RIC1: variants seen among roughly 807,000 people sequenced by gnomAD.
RIC1 encodes RIC1 partner of RAB6A GEF complex.
In RIC1, 88 loss-of-function variants were observed where a neutral mutation model predicts 169.0. The observed-to-expected ratio is 0.52, with a 90% CI of 0.44 to 0.62. The LOEUF is 0.62. Ranked by LOEUF, RIC1 falls within the 20% of genes least tolerant of loss-of-function variation. The pLI is 0.00. For synonymous variants in RIC1, 790 were observed against 601.5 expected, an observed-to-expected ratio of 1.31 and a Z score of -4.59; for missense variants, 1,877 against 1,725.5, an observed-to-expected ratio of 1.09 and a Z score of -1.56.
At chr9:5,727,898 C>G (rs775083876) in intron 6 of RIC1, among the ~76,000 whole-genome samples, 15 of 152,208 alleles carry the variant, frequency 9.9e-5, no homozygotes, top group Non-Finnish European at 1.9e-4. Flanking sequence ...GATCCTTCTT[C>G]TGGAAGGTTC....
chr9:5,736,951 C>T (rs992961221), intron 7 of RIC1, among the ~76,000 whole-genome samples: 6 of 150,270 alleles, frequency 4.0e-5, no homozygotes, highest in Non-Finnish European at 8.9e-5. Context: ...ATCAAAGCTG[C>T]TGTGAAGAAA....
chr9:5,709,225 C>T (rs1242619549), intron 3 of RIC1, among the ~76,000 whole-genome samples: 3 of 152,154 alleles, frequency 2.0e-5, no homozygotes, highest in African/African-American at 4.8e-5. Context: ...CAGGAAACTG[C>T]AGTTCTGCCG....
chr9:5,720,514 T>C, intron 5 of RIC1, 100 bp from the exon 6 acceptor site: 1 of 1,276,928 alleles, frequency 7.8e-7, no homozygotes, highest in Non-Finnish European at 1.1e-6. Flanking sequence ...GTTAGGTCAT[T>C]ATTTTTACCC....
intron 21 of RIC1, among the ~76,000 whole-genome samples, chr9:5,767,205 T>C (rs1333750033): frequency 6.6e-6 from 1 of 152,222 alleles, no homozygotes; most frequent in Admixed American, 6.5e-5. Flanking sequence ...GATATAAATT[T>C]AGTGCTAATG....
intron 2 of RIC1, among the ~76,000 whole-genome samples, chr9:5,665,108 G>T (rs558601417): frequency 6.6e-6 from 1 of 151,750 alleles, no homozygotes; most frequent in Non-Finnish European, 1.5e-5. Context: ...CATTGGGAGC[G>T]TATATATTGA....
chr9:5,723,128 C>T (rs1022535846), intron 6 of RIC1, among the ~76,000 whole-genome samples: 2 of 152,210 alleles, frequency 1.3e-5, no homozygotes, highest in African/African-American at 2.4e-5. Context: ...TGAAGAATCG[C>T]CACACTGTCT....
intron 2 of RIC1, among the ~76,000 whole-genome samples, chr9:5,660,942 A>G (rs1470701480): frequency 6.6e-6 from 1 of 152,204 alleles, no homozygotes; most frequent in East Asian, 1.9e-4. Flanking sequence ...TGTGTCCCAA[A>G]TGGTATTGTC....
At chr9:5,727,033 T>A (rs1824038391) in intron 6 of RIC1, among the ~76,000 whole-genome samples, 1 of 152,170 alleles carries the variant, frequency 6.6e-6, no homozygotes, top group African/African-American at 2.4e-5. Context: ...TTATGTGTCT[T>A]GGAGTTGCTC....
chr9:5,635,273 C>G (rs1420699735), intron 1 of RIC1, among the ~76,000 whole-genome samples: 1 of 152,158 alleles, frequency 6.6e-6, no homozygotes, highest in Non-Finnish European at 1.5e-5. Flanking sequence ...GGCCACCACA[C>G]CCAGTCCTTA....
At chr9:5,725,362 T>A (rs1003610077) in intron 6 of RIC1, among the ~76,000 whole-genome samples, 4 of 152,216 alleles carry the variant, frequency 2.6e-5, no homozygotes, top group African/African-American at 9.6e-5. Context: ...TTTATAGTAT[T>A]CTCTGATGGT....
chr9:5,652,619 A>G (rs765212074), intron 1 of RIC1, among the ~76,000 whole-genome samples: 4 of 151,840 alleles, frequency 2.6e-5, no homozygotes, highest in Non-Finnish European at 5.9e-5. Flanking sequence ...TAGGGTTTCT[A>G]TATGTAAGAT....
chr9:5,663,009 C>T (rs528711478), intron 2 of RIC1, among the ~76,000 whole-genome samples: 39 of 152,304 alleles, frequency 2.6e-4, no homozygotes, highest in African/African-American at 8.9e-4. Flanking sequence ...AGCTGCATCC[C>T]AGAGATTCTG....
chr9:5,741,057 C>G (rs928850198), intron 8 of RIC1, among the ~76,000 whole-genome samples: 3 of 152,134 alleles, frequency 2.0e-5, no homozygotes, highest in Admixed American at 1.3e-4. Context: ...TTGGGAGAGT[C>G]TGAAATGTAC....
At chr9:5,735,666 C>T (rs1195745588) in intron 7 of RIC1, among the ~76,000 whole-genome samples, 5 of 152,206 alleles carry the variant, frequency 3.3e-5, no homozygotes, top group Non-Finnish European at 7.3e-5. Context: ...GGACTAATTA[C>T]CTTGAACACT....
At chr9:5,752,857 G>C (rs1226420218) in intron 12 of RIC1, among the ~76,000 whole-genome samples, 1 of 152,158 alleles carries the variant, frequency 6.6e-6, no homozygotes, top group East Asian at 1.9e-4. Flanking sequence ...GTTTATATCA[G>C]CAAACCCAAA....
intron 22 of RIC1, 162 bp downstream of exon 22, chr9:5,769,418 A>C: frequency 6.5e-7 from 1 of 1,549,440 alleles, no homozygotes; most frequent in Non-Finnish European, 8.7e-7. Context: ...CCACTGTTTG[A>C]CCAAAGATGT....
chr9:5,722,392 G>C (rs1452268325), intron 6 of RIC1, among the ~76,000 whole-genome samples: 1 of 143,646 alleles, frequency 7.0e-6, no homozygotes, highest in East Asian at 2.1e-4. Context: ...TACCTATGCA[G>C]TGTATGTGTG....
intron 3 of RIC1, among the ~76,000 whole-genome samples, chr9:5,702,498 CT>C (rs986746762): frequency 8.8e-5 from 13 of 148,526 alleles, no homozygotes; most frequent in East Asian, 5.9e-4. Context: ...CACTTACACA[CT>C]TTTTTTTTGT....
intron 3 of RIC1, among the ~76,000 whole-genome samples, chr9:5,703,978 C>T (rs1448918723): frequency 6.6e-6 from 1 of 151,830 alleles, no homozygotes; most frequent in Non-Finnish European, 1.5e-5. Flanking sequence ...AGACTGTTTT[C>T]CCACAAGCCA....
Sources: gnomAD v4.1 joint callset for allele counts (sites outside exome capture counted in the v4.1 genomes callset) on GRCh38, gnomAD v4.1.1 for gene constraint, MANE v1.5 for transcripts, NCBI Gene and HGNC (gene_info 2026-07-23, HGNC 2026-07-21) for gene names.